Variants in CLCN7 observed in about 807,000 individuals in gnomAD.
CLCN7 encodes the protein H(+)/Cl(-) exchange transporter 7.
Under a neutral mutation model 102.1 loss-of-function variants are expected in CLCN7, and 60 were observed. That is an observed-to-expected ratio of 0.59 (90% confidence interval 0.48 to 0.73). The LOEUF (loss-of-function observed/expected upper bound fraction) is 0.73, where lower values mean the gene tolerates loss of function less well. CLCN7 is among the 30% of genes least tolerant of loss of function. CLCN7 has a pLI of 0.00. For missense variants in CLCN7, 962 were observed against 1,125.7 expected, an observed-to-expected ratio of 0.85 and a Z score of 2.08; for synonymous variants, 560 against 490.5, an observed-to-expected ratio of 1.14 and a Z score of -1.87.
intron 2 of CLCN7, among the ~76,000 whole-genome samples, chr16:1,464,002 T>C (rs1325016931): frequency 1.3e-5 from 2 of 152,196 alleles, no homozygotes; most frequent in Non-Finnish European, 2.9e-5. Context: ...CTTGAACTCC[T>C]GAGCTCAATG....
rs970553120 is a variant in CLCN7, at chr16:1,457,196, GGTGCCC to G, written c.822+52_822+57del. 1.9e-5 allele frequency: 28 copies of G among 1,467,462 alleles called. No individual in the cohort carries two copies. The highest frequency in any genetic ancestry group is 5.7e-5 in the South Asian group (5 of 88,098). The allele number at this position is 1,467,462 out of a possible 1,614,324, so 90.9% of individuals were successfully genotyped here. On this transcript the variant is annotated intron_variant, in intron 9 of 24. Transcript: ENST00000382745. The surrounding 1 kb of genome is among the most constrained non-coding windows in gnomAD (Gnocchi z 5.4). The stretch of plus-strand genomic sequence containing the variant: ...CTGAGGGAAGCCCATCTCCCTGAGT[GGTGCCC>G]GTGCCCGTGCCCATGGCATCTGGAG...
rs1011966090 is a variant in CLCN7, at chr16:1,445,578, C to T, written c.*1053G>A. On this transcript the variant is annotated 3_prime_UTR_variant, in exon 25 of 25. Transcript: ENST00000382745. The stretch of plus-strand genomic sequence containing the variant: ...GGCCTGTGGCGGCCCCAGACCCAGC[C>T]CAGCCAGGCCAGAGGAGCCTCCCAG... 1 of 152,474 alleles carries T rather than the reference C, an allele frequency of 6.6e-6. No individual in the cohort carries two copies. Among genetic ancestry groups the T allele is most frequent in the African/African-American group, 2.4e-5 (1 of 41,468 alleles). The allele number at this position is 152,474 out of a possible 1,614,324, so 9.4% of individuals were successfully genotyped here.
intron 23 of CLCN7, 99 bp downstream of exon 23, chr16:1,447,293 C>T (rs1325108354): frequency 2.3e-5 from 30 of 1,315,126 alleles, no homozygotes; most frequent in Middle Eastern, 2.6e-4. Flanking sequence ...GAGTCCTCTC[C>T]GCTGTGGCCC....
rs1272258370 is a variant in CLCN7 at position 1,462,675 on chromosome 16, A to ACAAAC, written c.214-1002_214-1001insGTTTG. On this transcript the variant is annotated intron_variant, in intron 2 of 24. Transcript: ENST00000382745. ...CTCTTAAAAAAAAGCCAAAAAAAAA[A>ACAAAC]AAAAAAAAAAAACCAGGCATGGTAC... Among the ~76,000 whole-genome samples the ACAAAC allele has an allele frequency of 8.5e-4, 117 of 137,296 alleles. 3 individuals are homozygous for ACAAAC. The highest frequency in any genetic ancestry group is 3.0e-3 in the African/African-American group (109 of 36,036). 90.1% of individuals were successfully genotyped at this position (137,296 alleles called of 152,430 possible).
intron 19 of CLCN7, 79 bp downstream of exon 19, chr16:1,448,887 C>A (rs766299498): frequency 2.2e-5 from 36 of 1,602,790 alleles, no homozygotes; most frequent in Non-Finnish European, 2.9e-5. Context: ...CCGGGACCGG[C>A]TGTTTGGAGG....
intron 21 of CLCN7, among the ~76,000 whole-genome samples, chr16:1,448,128 C>T (rs1225433513): frequency 6.6e-6 from 1 of 152,310 alleles, no homozygotes; most frequent in East Asian, 1.9e-4. Flanking sequence ...GGCTCTCAGC[C>T]CAGCCTGGGT....
chr16:1,460,671 C>T (rs1274145999), intron 5 of CLCN7, 144 bp from the exon 6 acceptor site: 18 of 1,355,722 alleles, frequency 1.3e-5, no homozygotes, highest in South Asian at 4.8e-5. Flanking sequence ...AGACGTCTCA[C>T]GGCCCAACCA....
rs541028244 is a variant in CLCN7, at chr16:1,453,892, C to G, written c.1156G>C (p.Gly386Arg). The G allele has an allele frequency of 6.2e-7, 1 of 1,613,058 alleles. No homozygotes were observed. The highest frequency in any genetic ancestry group is 1.3e-5 in the African/African-American group (1 of 74,952). The change falls in exon 14 of 25, where the codon GGT becomes CGT. Residue 386 changes from glycine (G) to arginine (R), a missense_variant and splice_region_variant. Gly to Arg is a moderately radical substitution (Grantham distance 125, BLOSUM62 -2). Around this residue, in one of 2 missense-constraint regions of CLCN7, gnomAD observed 799 missense variants for 988.0 expected, o/e 0.81. Coordinates refer to ENST00000382745, the MANE Select transcript of CLCN7 (RefSeq NM_001287.6). ...GCATTGAACACTGCTCCAAGCACAC[C>G]GCCTGCGAACAGGGGAAAGGCCAGT... ...PVFIAMGVVG[G>R]VLGAVFNALN...
At chr16:1,473,272 C>G (rs1172594370) in intron 1 of CLCN7, among the ~76,000 whole-genome samples, 1 of 151,790 alleles carries the variant, frequency 6.6e-6, no homozygotes, top group Non-Finnish European at 1.5e-5. Flanking sequence ...CAGCAAAAGG[C>G]AGACTATGAC....
chr16:1,461,624 C>T lies in CLCN7; in HGVS notation c.264G>A (p.Lys88=), dbSNP rs1457268043. Residue 88 remains lysine (K), a synonymous_variant, in exon 3 of 25, where the codon AAG becomes AAA. Transcript: ENST00000382745. ...PFPKEIPHNE[K]LLSLKYESLD... ...CCACCTCATACTTGAGGGACAGGAG[C>T]TTCTCGTTGTGTGGGATCTCCTTGG... 1.9e-6 allele frequency: 3 copies of T among 1,614,002 alleles called. No homozygotes were observed. The highest frequency in any genetic ancestry group is 2.7e-5 in the African/African-American group (2 of 74,914).
At chr16:1,474,431 A>C in intron 1 of CLCN7, 1 of 340,528 alleles carries the variant, frequency 2.9e-6, no homozygotes, top group East Asian at 8.6e-5. Flanking sequence ...AACGCAAACA[A>C]AATTAGTTGC....
rs1222321912 is a variant in CLCN7 at position 1,460,877 on chromosome 16, G to C, written c.423C>G (p.Ala141=). 1.2e-6 allele frequency: 2 copies of C among 1,613,930 alleles called. No homozygotes were observed. ...TTTCCACCACGATGTCAATGAAGCA[G>C]GCCACGAGGCCCGTGAGGATCCCAA... ...ALIGILTGLV[A]CFIDIVVENL... The change falls in exon 5 of 25, where the codon GCC becomes GCG. Residue 141 remains alanine, a synonymous_variant. Coordinates refer to ENST00000382745, the MANE Select transcript of CLCN7 (RefSeq NM_001287.6).
chr16:1,473,274 G>A (rs532500877), intron 1 of CLCN7, among the ~76,000 whole-genome samples: 2 of 151,654 alleles, frequency 1.3e-5, no homozygotes, highest in Admixed American at 1.3e-4. Context: ...GCAAAAGGCA[G>A]ACTATGACCT....
Position 1,465,427 on chromosome 16 carries a change from G to A in CLCN7, c.142-89C>T, listed in dbSNP as rs117155696. 572 of 1,173,208 alleles carry A rather than the reference G, an allele frequency of 4.9e-4. 4 individuals are homozygous for A. The East Asian group carries it at 0.012, about 25-fold the overall frequency. The allele number at this position is 1,173,208 out of a possible 1,614,324, so 72.7% of individuals were successfully genotyped here. A position where few individuals can be genotyped will look rare whatever the true frequency, so the allele number is the denominator to read the frequency against. ...ACTCCCGCCGCCGCACCCTGGCCTC[G>A]CCTGACCCTGCCCGGGAGCTCAGGA... On this transcript the variant is annotated intron_variant, in intron 1 of 24. Transcript: ENST00000382745.
chr16:1,474,893 C>T lies in CLCN7; in HGVS notation c.82G>A (p.Ala28Thr). 3.4e-6 allele frequency: 5 copies of T among 1,456,662 alleles called. No homozygotes were observed. The highest frequency in any genetic ancestry group is 4.5e-6 in the Non-Finnish European group (5 of 1,107,514). 90.2% of individuals were successfully genotyped at this position (1,456,662 alleles called of 1,614,324 possible). ...AGCGGCGTCCCCCCGCCGGGCCGCG[C>T]CGTCCTCCGCAGCAGCGGCGCCGCC... Reference protein sequence around the residue: ...EEAAPLLRRTARPGGGTPLLN... With the variant: ...EEAAPLLRRTTRPGGGTPLLN... The change falls in exon 1 of 25, where the codon GCG becomes ACG. Residue 28 changes from alanine (A) to threonine (T), a missense_variant. Around this residue, in one of 2 missense-constraint regions of CLCN7, gnomAD observed 163 missense variants for 137.7 expected, o/e 1.18. Coordinates refer to ENST00000382745, the MANE Select transcript of CLCN7 (RefSeq NM_001287.6).
chr16:1,470,988 C>T (rs946066453), intron 1 of CLCN7, among the ~76,000 whole-genome samples: 1 of 152,214 alleles, frequency 6.6e-6, no homozygotes, highest in Non-Finnish European at 1.5e-5. Context: ...TCAAGGAGTT[C>T]TGCTTCCTGC....
intron 1 of CLCN7, among the ~76,000 whole-genome samples, chr16:1,471,288 C>A (rs531887103): frequency 6.6e-6 from 1 of 152,274 alleles, no homozygotes; most frequent in Non-Finnish European, 1.5e-5. Context: ...ACCTGAAAAT[C>A]CTGCAACAAA....
chr16:1,464,261 C>T (rs924076044), intron 2 of CLCN7, among the ~76,000 whole-genome samples: 8 of 152,192 alleles, frequency 5.3e-5, no homozygotes, highest in East Asian at 1.9e-4. Context: ...AACCAACACG[C>T]GTGTGGCCGG....
chr16:1,450,467 C>A, intron 17 of CLCN7, 30 bp downstream of exon 17: 1 of 1,568,446 alleles, frequency 6.4e-7, no homozygotes, highest in Middle Eastern at 2.0e-4. Context: ...AGCTGCAGGG[C>A]CCCACAGCCT....
Sources: gnomAD v4.1 joint callset for allele counts (sites outside exome capture counted in the v4.1 genomes callset) on GRCh38, gnomAD v4.1.1 for gene constraint, gnomAD v4.1.1 regional missense constraint, Gnocchi (gnomAD v3.1) non-coding constraint, MANE v1.5 for transcripts, NCBI Gene and HGNC (gene_info 2026-07-23, HGNC 2026-07-21) for gene names.